The following CADPS2 variants were observed in gnomAD, a reference collection of about 807,000 sequenced individuals.
CADPS2 encodes the protein calcium dependent secretion activator 2.
In CADPS2, 93 loss-of-function variants were observed where a neutral mutation model predicts 172.5. The ratio of observed to expected loss-of-function variants is 0.54; its 90% CI spans 0.46 to 0.64. CADPS2 has a LOEUF of 0.64. Among genes scored for constraint, CADPS2 ranks in the 30% least tolerant of loss-of-function variants. The pLI is 0.00. For missense variants in CADPS2, 1,420 were observed against 1,565.9 expected (o/e 0.91, Z 1.57); for synonymous variants, 546 against 555.2 (o/e 0.98, Z 0.23).
intron 14 of CADPS2, among the ~76,000 whole-genome samples, chr7:122,468,770 A>G (rs2152134081): frequency 6.6e-6 from 1 of 152,340 alleles, no homozygotes; most frequent in Middle Eastern, 3.4e-3. Flanking sequence ...GTGGCAGCAT[A>G]GTATTTCTGA....
At chr7:122,667,460 T>G (rs1191223105) in intron 2 of CADPS2, among the ~76,000 whole-genome samples, 1 of 152,116 alleles carries the variant, frequency 6.6e-6, no homozygotes, top group Non-Finnish European at 1.5e-5. Context: ...AAACCATACC[T>G]GAAGCCATAC....
intron 8 of CADPS2, among the ~76,000 whole-genome samples, chr7:122,529,422 A>G (rs545899789): frequency 1.3e-5 from 2 of 152,128 alleles, no homozygotes; most frequent in African/African-American, 2.4e-5. Context: ...TACAACTATT[A>G]TAAGCAGAAA....
chr7:122,701,672 C>A, intron 2 of CADPS2: 1 of 451,956 alleles, frequency 2.2e-6, no homozygotes, highest in Non-Finnish European at 3.9e-6. Flanking sequence ...AATAGCTGGG[C>A]ATGATAAGGA....
intron 24 of CADPS2, among the ~76,000 whole-genome samples, chr7:122,385,491 TGA>T (rs1043631064): frequency 2.1e-4 from 32 of 152,134 alleles, no homozygotes; most frequent in African/African-American, 7.5e-4. Context: ...AGAGTCACCC[TGA>T]GTTTGATTCC....
intron 2 of CADPS2, among the ~76,000 whole-genome samples, chr7:122,666,583 T>A (rs558175147): frequency 6.6e-6 from 1 of 152,116 alleles, no homozygotes; most frequent in South Asian, 2.1e-4. Context: ...ACCTCATGAT[T>A]CACCCACCTC....
chr7:122,449,867 A>G (rs751158137), intron 15 of CADPS2, among the ~76,000 whole-genome samples: 4 of 149,570 alleles, frequency 2.7e-5, no homozygotes, highest in Non-Finnish European at 4.4e-5. Flanking sequence ...GCACTAAATG[A>G]CTCCCTACCC....
intron 8 of CADPS2, among the ~76,000 whole-genome samples, chr7:122,549,501 G>T (rs1295003570): frequency 6.6e-6 from 1 of 151,976 alleles, no homozygotes; most frequent in Non-Finnish European, 1.5e-5. Context: ...CATGCCTGTA[G>T]TCTCAGCTAC....
intron 1 of CADPS2, among the ~76,000 whole-genome samples, chr7:122,828,808 G>A (rs1228522055): frequency 1.3e-5 from 2 of 152,070 alleles, no homozygotes; most frequent in Non-Finnish European, 2.9e-5. Flanking sequence ...TACAACACCT[G>A]CAGCTGATAG....
At chr7:122,533,158 T>C (rs927881082) in intron 8 of CADPS2, among the ~76,000 whole-genome samples, 1 of 152,126 alleles carries the variant, frequency 6.6e-6, no homozygotes, top group Non-Finnish European at 1.5e-5. Flanking sequence ...TGTCTATTTG[T>C]GCCAGATGCT....
chr7:122,428,762 C>T (rs781193069), intron 17 of CADPS2, among the ~76,000 whole-genome samples: 7 of 152,100 alleles, frequency 4.6e-5, no homozygotes, highest in Non-Finnish European at 1.0e-4. Flanking sequence ...AGCCACTGTA[C>T]CCGGCAGAGT....
In CADPS2 at chr7:122,438,451, T is replaced by C. The variant is rs749733238; in HGVS notation, c.2366A>G (p.Asp789Gly). Reference sequence around the variant, plus strand: ...TTCTGCTGGTATGGGAGTGGCAATATCTTTCATTAAAACCTACAGAGAGAG... The same window carrying C: ...TTCTGCTGGTATGGGAGTGGCAATACCTTTCATTAAAACCTACAGAGAGAG... ...LSLLERVLMK[D>G]IATPIPAEEV... The change falls in exon 17 of 30, where the codon GAT becomes GGT. Residue 789 changes from aspartate to glycine, a missense_variant. Asp to Gly is a moderately conservative substitution (Grantham distance 94). Transcript: ENST00000449022. 1.2e-6 allele frequency: 2 copies of C among 1,612,796 alleles called. No homozygotes were observed. The highest frequency in any genetic ancestry group is 1.7e-6 in the Non-Finnish European group (2 of 1,179,242).
At chr7:122,359,783 A>T (rs2039898302) in intron 27 of CADPS2, among the ~76,000 whole-genome samples, 1 of 152,116 alleles carries the variant, frequency 6.6e-6, no homozygotes, top group African/African-American at 2.4e-5. Context: ...AAACATTTGT[A>T]AAATAAAAAG....
chr7:122,733,795 C>T (rs530071333), intron 2 of CADPS2, among the ~76,000 whole-genome samples: 1 of 152,068 alleles, frequency 6.6e-6, no homozygotes, highest in South Asian at 2.1e-4. Context: ...CCTTTATTTG[C>T]ATAAGTGGAC....
chr7:122,608,781 T>C (rs907509793), intron 6 of CADPS2, among the ~76,000 whole-genome samples: 1 of 152,080 alleles, frequency 6.6e-6, no homozygotes, highest in African/African-American at 2.4e-5. Flanking sequence ...CTTCCTGGTG[T>C]TTTTATTTTT....
chr7:122,787,547 C>T (rs1287592912), intron 1 of CADPS2, among the ~76,000 whole-genome samples: 2 of 152,174 alleles, frequency 1.3e-5, no homozygotes, highest in Non-Finnish European at 2.9e-5. Context: ...TACCTTTACT[C>T]TAATACTACA....
At chr7:122,517,967 T>C (rs1392514622) in intron 8 of CADPS2, among the ~76,000 whole-genome samples, 1 of 151,958 alleles carries the variant, frequency 6.6e-6, no homozygotes, top group Non-Finnish European at 1.5e-5. Context: ...CTATTCTTTG[T>C]TGTTGTTGTT....
intron 7 of CADPS2, among the ~76,000 whole-genome samples, chr7:122,561,778 C>G (rs1181974466): frequency 6.6e-6 from 1 of 151,958 alleles, no homozygotes; most frequent in East Asian, 1.9e-4. Flanking sequence ...TACAGTCAAG[C>G]TAATTAACAT....
chr7:122,852,173 C>T (rs143048186), intron 1 of CADPS2, among the ~76,000 whole-genome samples: 38 of 152,230 alleles, frequency 2.5e-4, no homozygotes, highest in African/African-American at 8.9e-4. Context: ...ATTGCTGTCA[C>T]ATTAAATATA....
At chr7:122,449,792 T>C (rs998911008) in intron 15 of CADPS2, among the ~76,000 whole-genome samples, 4 of 152,216 alleles carry the variant, frequency 2.6e-5, no homozygotes, top group Admixed American at 2.0e-4. Context: ...GTAAATTTAC[T>C]GGCCTTTTTG....
Sources: allele counts gnomAD v4.1 joint callset (sites outside exome capture counted in the v4.1 genomes callset), GRCh38; gene constraint gnomAD v4.1.1; transcripts MANE v1.5; gene names NCBI Gene and HGNC (gene_info 2026-07-23, HGNC 2026-07-21).